RAB3GAP1: variants seen among roughly 807,000 people sequenced by gnomAD.
The protein encoded by RAB3GAP1 is rab3 GTPase-activating protein catalytic subunit.
Under a neutral mutation model 130.7 loss-of-function variants are expected in RAB3GAP1, and 86 were observed. The observed-to-expected ratio is 0.66, with a 90% confidence interval of 0.55 to 0.79. The LOEUF (loss-of-function observed/expected upper bound fraction) is 0.79. RAB3GAP1 is among the 30% of genes least tolerant of loss of function. The pLI, the probability that RAB3GAP1 is intolerant of heterozygous loss-of-function variation, is 0.00. For missense variants in RAB3GAP1, 1,029 were observed against 1,169.4 expected (o/e 0.88, Z 1.75); for synonymous variants, 367 against 401.7 (o/e 0.91, Z 1.03).
chr2:135,081,657 G>T (rs1689824372), intron 3 of RAB3GAP1, among the ~76,000 whole-genome samples: 1 of 151,824 alleles, frequency 6.6e-6, no homozygotes, highest in Non-Finnish European at 1.5e-5. Context: ...AAAATGTATG[G>T]TTCTAGGGTT....
At chr2:135,097,921 T>G (rs551796854) in intron 5 of RAB3GAP1, among the ~76,000 whole-genome samples, 1 of 152,336 alleles carries the variant, frequency 6.6e-6, no homozygotes, top group African/African-American at 2.4e-5. Context: ...TATTGCTAAG[T>G]CATGTGGTAA....
chr2:135,110,160 G>C (rs1690756703), intron 5 of RAB3GAP1, among the ~76,000 whole-genome samples: 1 of 151,364 alleles, frequency 6.6e-6, no homozygotes. Flanking sequence ...TTGAGATGAG[G>C]TTTCACTCTG....
At chr2:135,148,627 T>C (rs2104974562) in intron 17 of RAB3GAP1, among the ~76,000 whole-genome samples, 1 of 151,234 alleles carries the variant, frequency 6.6e-6, no homozygotes, top group Non-Finnish European at 1.5e-5. Context: ...CCTGAGTAGC[T>C]GAGATTACAG....
intron 17 of RAB3GAP1, chr2:135,137,348 C>G (rs1204903939): frequency 5.2e-6 from 1 of 194,132 alleles, no homozygotes; most frequent in Non-Finnish European, 1.1e-5. Flanking sequence ...GATCCACCAC[C>G]TACAGTAAAA....
Position 135,150,393 on chromosome 2 carries a change from C to T in RAB3GAP1, c.1948C>T (p.Leu650=), listed in dbSNP as rs1420452863. The T allele has an allele frequency of 6.2e-7, 1 of 1,614,176 alleles. No homozygotes were observed. Among genetic ancestry groups the T allele is most frequent in the South Asian group, 1.1e-5 (1 of 91,080 alleles). ...GGAACCAGCACCTATGACAGAAGAT[C>T]TGCTAGAAGAGCAGTCTGAAGTTTT... ...TQEPAPMTED[L]LEEQSEVLAK... The change falls in exon 18 of 24, where the codon CTG becomes TTG. Residue 650 remains leucine, a synonymous_variant. Coordinates refer to ENST00000264158, the MANE Select transcript of RAB3GAP1 (RefSeq NM_012233.3).
intron 3 of RAB3GAP1, among the ~76,000 whole-genome samples, chr2:135,060,002 C>T (rs11902266): frequency 0.06 from 9,060 of 152,172 alleles, 522 homozygotes; most frequent in African/African-American, 0.15. Context: ...TAATTTTCTC[C>T]TCCACTGAGG....
chr2:135,119,021 G>T (rs910801062), intron 7 of RAB3GAP1, among the ~76,000 whole-genome samples: 2 of 151,902 alleles, frequency 1.3e-5, no homozygotes, highest in Non-Finnish European at 2.9e-5. Context: ...TTATCCTCCA[G>T]GGTCCACAAA....
At chr2:135,081,359 T>TATATATATATAC (rs1553440468) in intron 3 of RAB3GAP1, among the ~76,000 whole-genome samples, 3 of 81,082 alleles carry the variant, frequency 3.7e-5, no homozygotes, top group Non-Finnish European at 6.3e-5. Flanking sequence ...TATATATATA[T>TATATATATATAC]ATACACACAC....
At chr2:135,161,281 A>T (rs994102052) in intron 19 of RAB3GAP1, among the ~76,000 whole-genome samples, 1 of 152,232 alleles carries the variant, frequency 6.6e-6, no homozygotes, top group South Asian at 2.1e-4. Flanking sequence ...GTAATAGCCA[A>T]AAACTGAGGA....
chr2:135,166,585 G>A (rs1692660218), intron 23 of RAB3GAP1, among the ~76,000 whole-genome samples: 1 of 152,142 alleles, frequency 6.6e-6, no homozygotes, highest in African/African-American at 2.4e-5. Flanking sequence ...CTGGTTTCAA[G>A]CAATTCTCCT....
rs1477772972 is a variant in RAB3GAP1 at position 135,153,939 on chromosome 2, CACTGTCATAG to C, written c.2289+66_2289+75del. 2.0e-6 allele frequency: 3 copies of C among 1,476,052 alleles called. No homozygotes were observed. The East Asian group carries it at 6.9e-5, about 34-fold the overall frequency. 91.4% of individuals were successfully genotyped at this position (1,476,052 alleles called of 1,614,324 possible). ...TTACTGTTCTTATGATTTAGGAACT[CACTGTCATAG>C]ACGTGAGAGTTTTGGACACACTTGA... On this transcript the variant is annotated intron_variant, in intron 19 of 23. Transcript: ENST00000264158.
At chr2:135,074,983 C>G (rs1689587635) in intron 3 of RAB3GAP1, among the ~76,000 whole-genome samples, 1 of 152,140 alleles carries the variant, frequency 6.6e-6, no homozygotes, top group African/African-American at 2.4e-5. Flanking sequence ...TTGTTCTCCC[C>G]CACCTGGGAC....
At chr2:135,115,162 A>G (rs745711178) in intron 6 of RAB3GAP1, 54 bp from the exon 7 acceptor site, 3 of 1,505,190 alleles carry the variant, frequency 2.0e-6, no homozygotes, top group Non-Finnish European at 2.7e-6. Flanking sequence ...TTTGAGGTTC[A>G]GGTTTAATGT....
At chr2:135,167,095 A>G (rs1333016021) in intron 23 of RAB3GAP1, among the ~76,000 whole-genome samples, 2 of 152,228 alleles carry the variant, frequency 1.3e-5, no homozygotes, top group African/African-American at 2.4e-5. Context: ...CTGATACTTT[A>G]TATCAATTTT....
Position 135,108,448 on chromosome 2 carries a change from C to A in RAB3GAP1, c.363-4703C>A, listed in dbSNP as rs551556373. Among the ~76,000 whole-genome samples, 5 of 150,944 alleles carry A rather than the reference C, an allele frequency of 3.3e-5. No homozygotes were observed. The East Asian group carries it at 9.7e-4, about 29-fold the overall frequency. ...CCTGATTACATGTGATATGGAACAT[C>A]TTTTCATACGCTTGTTTGCTATCTT... On this transcript the variant is annotated intron_variant, in intron 5 of 23. Transcript: ENST00000264158.
At chr2:135,171,994 A>G (rs1329533549), downstream of RAB3GAP1, among the ~76,000 whole-genome samples, 1 of 152,092 alleles carries the variant, frequency 6.6e-6, no homozygotes, top group African/African-American at 2.4e-5. Context: ...AAGGGGAGTG[A>G]GGGGAAGAGG....
intron 11 of RAB3GAP1, 139 bp from the exon 12 acceptor site, chr2:135,129,856 T>C (rs1273906543): frequency 1.1e-5 from 7 of 658,312 alleles, no homozygotes; most frequent in Non-Finnish European, 1.9e-5. Context: ...TTTTTGTTTT[T>C]TTCAATGGAA....
chr2:135,111,169 A>G (rs1690792443), intron 5 of RAB3GAP1, among the ~76,000 whole-genome samples: 2 of 152,170 alleles, frequency 1.3e-5, no homozygotes, highest in South Asian at 4.1e-4. Flanking sequence ...AATTTTTTAA[A>G]TCATTACTCC....
At chr2:135,063,576 T>G (rs192294404) in intron 3 of RAB3GAP1, among the ~76,000 whole-genome samples, 181 of 152,278 alleles carry the variant, frequency 1.2e-3, no homozygotes, top group African/African-American at 3.9e-3. Context: ...GTATTTGTTT[T>G]TTTGTGTGTG....
Sources: gnomAD v4.1 joint callset for allele counts (sites outside exome capture counted in the v4.1 genomes callset) on GRCh38, gnomAD v4.1.1 for gene constraint, MANE v1.5 for transcripts, NCBI Gene and HGNC (gene_info 2026-07-23, HGNC 2026-07-21) for gene names.